ASTN2: variants seen among roughly 807,000 people sequenced by gnomAD.
ASTN2 encodes astrotactin-2.
ASTN2 carries 54 observed loss-of-function variants against 139.8 expected under a neutral mutation model. That is an observed-to-expected ratio of 0.39 (90% CI 0.31 to 0.48). The LOEUF is 0.48. Among genes scored for constraint, ASTN2 ranks in the 20% least tolerant of loss-of-function variants. The pLI is 0.95. For missense variants in ASTN2, 1,565 were observed against 1,725.1 expected (o/e 0.91, Z 1.64); for synonymous variants, 756 against 719.5 (o/e 1.05, Z -0.81).
Position 116,516,134 on chromosome 9 carries a change from G to A in ASTN2, c.3356-28634C>T, listed in dbSNP as rs770480349. Among the ~76,000 whole-genome samples the A allele has an allele frequency of 3.3e-5, 5 of 152,212 alleles. No homozygotes were observed. In the South Asian group the frequency reaches 8.3e-4, roughly 25 times the overall value. Reference sequence around the variant, plus strand: ...AGAATAGGAAATACAACTACATCTAGAAGTCACACACCTGGAAACTTCCAG... The same window carrying A: ...AGAATAGGAAATACAACTACATCTAAAAGTCACACACCTGGAAACTTCCAG... On this transcript the variant is annotated intron_variant, in intron 19 of 22. Coordinates refer to ENST00000313400, the MANE Select transcript of ASTN2 (RefSeq NM_001365068.1).
intron 1 of ASTN2, among the ~76,000 whole-genome samples, chr9:117,300,030 G>T (rs1168460181): frequency 1.3e-5 from 2 of 152,140 alleles, no homozygotes; most frequent in Non-Finnish European, 2.9e-5. Flanking sequence ...AGAAAATAAG[G>T]CCATACATAG....
intron 11 of ASTN2, among the ~76,000 whole-genome samples, chr9:116,837,383 A>C (rs1832034836): frequency 6.6e-6 from 1 of 152,128 alleles, no homozygotes; most frequent in South Asian, 2.1e-4. Flanking sequence ...TCTGAGCCCA[A>C]GTCTCTGAGC....
intron 10 of ASTN2, among the ~76,000 whole-genome samples, chr9:116,881,879 A>G (rs1833457788): frequency 6.6e-6 from 1 of 152,178 alleles, no homozygotes. Flanking sequence ...GCTGGATAAG[A>G]ACTATTTGAT....
At chr9:116,650,504 TATTAAAATGAACCA>T (rs1321696801) in intron 17 of ASTN2, among the ~76,000 whole-genome samples, 23 of 152,332 alleles carry the variant, frequency 1.5e-4, no homozygotes, top group African/African-American at 5.3e-4. Flanking sequence ...AGGGGTACGA[TATTAAAATGAACCA>T]TATGAAATTG....
chr9:116,484,480 C>T (rs146759145), intron 20 of ASTN2, among the ~76,000 whole-genome samples: 3 of 152,140 alleles, frequency 2.0e-5, no homozygotes, highest in East Asian at 1.9e-4. Flanking sequence ...AAGAGGAAGA[C>T]GAATTTGGGT....
intron 4 of ASTN2, among the ~76,000 whole-genome samples, chr9:117,106,287 C>G (rs753108548): frequency 6.6e-6 from 1 of 151,950 alleles, no homozygotes; most frequent in African/African-American, 2.4e-5. Context: ...AGTGCAGTAG[C>G]GCAATCTCGG....
At chr9:116,996,700 T>G (rs1047848817) in intron 7 of ASTN2, among the ~76,000 whole-genome samples, 4 of 152,168 alleles carry the variant, frequency 2.6e-5, no homozygotes, top group African/African-American at 9.7e-5. Context: ...TTAACAAATA[T>G]GGAACTCTTT....
At chr9:116,665,689 G>T (rs893297087) in intron 16 of ASTN2, among the ~76,000 whole-genome samples, 1 of 152,066 alleles carries the variant, frequency 6.6e-6, no homozygotes, top group Non-Finnish European at 1.5e-5. Flanking sequence ...GACTAATGAA[G>T]TCATTTCAAA....
intron 11 of ASTN2, among the ~76,000 whole-genome samples, chr9:116,848,508 C>T (rs568780190): frequency 6.6e-6 from 1 of 152,346 alleles, no homozygotes; most frequent in African/African-American, 2.4e-5. Flanking sequence ...GATGGAGAAT[C>T]TGAAGCGCAG....
chr9:116,972,302 G>A (rs1403000009), intron 10 of ASTN2, among the ~76,000 whole-genome samples: 1 of 152,072 alleles, frequency 6.6e-6, no homozygotes, highest in Admixed American at 6.6e-5. Flanking sequence ...AAGGTGCTAT[G>A]TATGGTTACT....
chr9:116,927,087 G>A (rs1301578620), intron 10 of ASTN2, among the ~76,000 whole-genome samples: 1 of 152,190 alleles, frequency 6.6e-6, no homozygotes, highest in African/African-American at 2.4e-5. Context: ...GAAGGCTAAG[G>A]AGGAGTACCA....
intron 17 of ASTN2, among the ~76,000 whole-genome samples, chr9:116,623,427 C>T (rs930654986): frequency 6.6e-6 from 1 of 152,078 alleles, no homozygotes; most frequent in Admixed American, 6.5e-5. Context: ...GATAAAAGGC[C>T]AGCATCAAAC....
intron 13 of ASTN2, among the ~76,000 whole-genome samples, chr9:116,800,061 C>A (rs1387747971): frequency 6.6e-6 from 1 of 152,150 alleles, no homozygotes; most frequent in Non-Finnish European, 1.5e-5. Flanking sequence ...CAAAACAAGC[C>A]CCATTCCCTT....
intron 11 of ASTN2, among the ~76,000 whole-genome samples, chr9:116,837,151 C>T (rs1832026331): frequency 6.6e-6 from 1 of 152,044 alleles, no homozygotes; most frequent in Non-Finnish European, 1.5e-5. Context: ...TCCTAGAGTC[C>T]ACAAAAGGAG....
At chr9:116,754,243 C>G (rs1336729573) in intron 13 of ASTN2, among the ~76,000 whole-genome samples, 1 of 152,110 alleles carries the variant, frequency 6.6e-6, no homozygotes, top group Non-Finnish European at 1.5e-5. Flanking sequence ...CAAGTCTTTG[C>G]TATTGTGAAT....
intron 20 of ASTN2, among the ~76,000 whole-genome samples, chr9:116,443,145 C>A (rs930004414): frequency 1.3e-5 from 2 of 152,156 alleles, no homozygotes; most frequent in African/African-American, 2.4e-5. Context: ...GGAGTATGGG[C>A]TTTGGGATGT....
At chr9:117,365,378 G>C (rs1013639737) in intron 1 of ASTN2, among the ~76,000 whole-genome samples, 6 of 152,108 alleles carry the variant, frequency 3.9e-5, no homozygotes, top group African/African-American at 7.2e-5. Context: ...AAGAATTAGA[G>C]TATGCTTCAA....
chr9:117,091,572 TG>T (rs36005728), intron 5 of ASTN2, among the ~76,000 whole-genome samples: 4 of 151,622 alleles, frequency 2.6e-5, no homozygotes, highest in Admixed American at 1.3e-4. Flanking sequence ...TCTCACGTGA[TG>T]GGGGGGCAGG....
At chr9:116,893,185 ACAC>A (rs1833805936) in intron 10 of ASTN2, among the ~76,000 whole-genome samples, 1 of 151,936 alleles carries the variant, frequency 6.6e-6, no homozygotes, top group Non-Finnish European at 1.5e-5. Context: ...ACACACACAC[ACAC>A]ACACACTTTA....
Sources: allele counts gnomAD v4.1 joint callset (sites outside exome capture counted in the v4.1 genomes callset), GRCh38; gene constraint gnomAD v4.1.1; transcripts MANE v1.5; gene names NCBI Gene and HGNC (gene_info 2026-07-23, HGNC 2026-07-21).